POU6F2: variants seen among roughly 807,000 people sequenced by gnomAD.
The protein encoded by POU6F2 is POU class 6 homeobox 2, also known as POU domain, class 6, transcription factor 2.
POU6F2 carries 31 observed loss-of-function variants against 71.3 expected under a neutral mutation model. The ratio of observed to expected loss-of-function variants is 0.43; its 90% CI spans 0.33 to 0.59. The LOEUF (loss-of-function observed/expected upper bound fraction) is 0.59. Among genes scored for constraint, POU6F2 ranks in the 20% least tolerant of loss-of-function variants. The pLI, the probability that POU6F2 is intolerant of heterozygous loss-of-function variation, is 0.04. For missense variants in POU6F2, 783 were observed against 856.8 expected (o/e 0.91, Z 1.07); for synonymous variants, 347 against 355.7 (o/e 0.98, Z 0.27).
At chr7:39,007,719 T>C (rs1464658472) in intron 1 of POU6F2, among the ~76,000 whole-genome samples, 3 of 151,858 alleles carry the variant, frequency 2.0e-5, no homozygotes, top group East Asian at 1.9e-4. Context: ...ATATTCCCCT[T>C]CCTGTGTCCA....
At chr7:39,415,300 G>A (rs919246988) in intron 6 of POU6F2, among the ~76,000 whole-genome samples, 2 of 152,196 alleles carry the variant, frequency 1.3e-5, no homozygotes, top group African/African-American at 4.8e-5. Context: ...TGGGATTACA[G>A]GCGTGAGCCA....
chr7:39,006,030 C>G (rs922350066), intron 1 of POU6F2, among the ~76,000 whole-genome samples: 11 of 152,098 alleles, frequency 7.2e-5, no homozygotes, highest in African/African-American at 2.7e-4. Flanking sequence ...AAAAGGAATG[C>G]TGTGCCAGCA....
chr7:39,359,462 G>A (rs1484513715), intron 5 of POU6F2, among the ~76,000 whole-genome samples: 1 of 152,092 alleles, frequency 6.6e-6, no homozygotes, highest in Non-Finnish European at 1.5e-5. Context: ...TACTAGAACT[G>A]TAAACAGCCT....
At chr7:39,301,206 G>A (rs895871405) in intron 4 of POU6F2, among the ~76,000 whole-genome samples, 1 of 152,208 alleles carries the variant, frequency 6.6e-6, no homozygotes, top group African/African-American at 2.4e-5. Context: ...AGTTTGGGTT[G>A]TGTTTATTTC....
chr7:38,996,667 CACTT>C (rs1432857770), intron 1 of POU6F2, among the ~76,000 whole-genome samples: 1 of 152,190 alleles, frequency 6.6e-6, no homozygotes, highest in East Asian at 1.9e-4. Context: ...AGAATAACAG[CACTT>C]ACTTTTTACT....
chr7:39,081,801 A>T (rs1311337386), intron 1 of POU6F2, among the ~76,000 whole-genome samples: 1 of 152,210 alleles, frequency 6.6e-6, no homozygotes, highest in African/African-American at 2.4e-5. Context: ...GCTCTGGCTC[A>T]TCATCCAAAA....
At chr7:39,297,667 C>T (rs1378252587) in intron 4 of POU6F2, among the ~76,000 whole-genome samples, 2 of 151,748 alleles carry the variant, frequency 1.3e-5, no homozygotes, top group African/African-American at 2.4e-5. Flanking sequence ...TGTGAAATGT[C>T]CCTGACAGTA....
At chr7:39,009,389 C>T (rs1465577801) in intron 1 of POU6F2, among the ~76,000 whole-genome samples, 7 of 152,066 alleles carry the variant, frequency 4.6e-5, no homozygotes, top group Admixed American at 1.3e-4. Context: ...TGAGACTTTG[C>T]TGAAGTTGCT....
intron 2 of POU6F2, among the ~76,000 whole-genome samples, chr7:39,179,821 G>A (rs1793404050): frequency 6.6e-6 from 1 of 152,294 alleles, no homozygotes; most frequent in South Asian, 2.1e-4. Context: ...ATGAGGTTCT[G>A]GCCCTGACTA....
At chr7:39,206,823 G>T (rs1387302049) in intron 3 of POU6F2, among the ~76,000 whole-genome samples, 2 of 152,078 alleles carry the variant, frequency 1.3e-5, no homozygotes, top group African/African-American at 4.8e-5. Flanking sequence ...TGAGTTAAAG[G>T]GGGATAAATA....
At chr7:39,419,382 G>T (rs568646183) in intron 6 of POU6F2, among the ~76,000 whole-genome samples, 1 of 151,710 alleles carries the variant, frequency 6.6e-6, no homozygotes, top group African/African-American at 2.4e-5. Context: ...GGGATTACAG[G>T]CACGCACCAT....
intron 7 of POU6F2, among the ~76,000 whole-genome samples, chr7:39,444,355 A>G (rs539681737): frequency 2.6e-5 from 4 of 152,324 alleles, no homozygotes; most frequent in African/African-American, 9.6e-5. Context: ...AGGCCGAGGC[A>G]GGCAGATCGC....
intron 3 of POU6F2, 88 bp from the exon 4 acceptor site, chr7:39,207,304 G>C: frequency 8.0e-7 from 1 of 1,253,088 alleles, no homozygotes; most frequent in South Asian, 1.6e-5. Context: ...GGAACTTTCT[G>C]ACCCTACTTA....
chr7:39,158,211 A>G (rs1584573656), intron 2 of POU6F2, among the ~76,000 whole-genome samples: 2 of 152,306 alleles, frequency 1.3e-5, no homozygotes, highest in Middle Eastern at 6.8e-3. Flanking sequence ...CTCAATAATT[A>G]TTAGTAATTT....
intron 5 of POU6F2, among the ~76,000 whole-genome samples, chr7:39,376,012 C>G (rs1786703940): frequency 6.6e-6 from 1 of 152,134 alleles, no homozygotes; most frequent in Non-Finnish European, 1.5e-5. Context: ...TTCTCAAAAC[C>G]TCAGTTTCCT....
At chr7:39,418,014 T>C (rs1296629888) in intron 6 of POU6F2, among the ~76,000 whole-genome samples, 4 of 152,252 alleles carry the variant, frequency 2.6e-5, no homozygotes, top group East Asian at 3.8e-4. Flanking sequence ...AAGCACTTGA[T>C]ATATTACTTT....
chr7:39,319,256 C>G (rs1255229758), intron 4 of POU6F2, among the ~76,000 whole-genome samples: 8 of 152,168 alleles, frequency 5.3e-5, no homozygotes, highest in Non-Finnish European at 8.8e-5. Flanking sequence ...TCTTTGTTCC[C>G]CACCTACAGT....
chr7:39,012,653 G>GT (rs1789327650), intron 1 of POU6F2, among the ~76,000 whole-genome samples: 1 of 152,134 alleles, frequency 6.6e-6, no homozygotes, highest in South Asian at 2.1e-4. Context: ...CATCTTTGTG[G>GT]TTTTATCTAC....
At position 39,335,152 on chromosome 7, in the gene POU6F2, A is replaced by T. The variant is rs1228611280; in HGVS notation, c.599-4490A>T. Among the ~76,000 whole-genome samples, 4 of 151,976 alleles carry T rather than the reference A, an allele frequency of 2.6e-5. No individual in the cohort carries two copies. In the East Asian group the frequency reaches 7.7e-4, roughly 29 times the overall value. On this transcript the variant is annotated intron_variant, in intron 4 of 9. Coordinates refer to ENST00000518318, the MANE Select transcript of POU6F2 (RefSeq NM_001370959.1). Reference sequence around the variant, plus strand: ...AAGGTAAACTAGTGGTATGAATAACATGTACCATGGCCCTTCTCCACCTCC... The same window carrying T: ...AAGGTAAACTAGTGGTATGAATAACTTGTACCATGGCCCTTCTCCACCTCC...
Sources: gnomAD v4.1 joint callset for allele counts (sites outside exome capture counted in the v4.1 genomes callset) on GRCh38, gnomAD v4.1.1 for gene constraint, MANE v1.5 for transcripts, NCBI Gene and HGNC (gene_info 2026-07-23, HGNC 2026-07-21) for gene names.